GATAD2B: variants seen among roughly 807,000 people sequenced by gnomAD.
GATAD2B encodes GATA zinc finger domain containing 2B.
A neutral mutation model predicts 64.3 loss-of-function variants in GATAD2B; 8 were observed. The ratio of observed to expected loss-of-function variants is 0.12; its 90% CI spans 0.07 to 0.22. GATAD2B has a LOEUF of 0.22. Ranked by LOEUF, GATAD2B falls within the 10% of genes least tolerant of loss-of-function variation. GATAD2B has a pLI of 1.00. For missense variants in GATAD2B, 453 were observed against 752.0 expected (o/e 0.60, Z 4.65); for synonymous variants, 281 against 271.3 (o/e 1.04, Z -0.35).
chr1:153,824,649 AG>A (rs568604261), intron 2 of GATAD2B, among the ~76,000 whole-genome samples: 1 of 145,096 alleles, frequency 6.9e-6, no homozygotes, highest in Non-Finnish European at 1.5e-5. Flanking sequence ...TTGGGTTTTC[AG>A]GAAGTCTGAC....
chr1:153,880,322 C>G (rs1034228718), intron 1 of GATAD2B, among the ~76,000 whole-genome samples: 1 of 151,816 alleles, frequency 6.6e-6, no homozygotes, highest in Non-Finnish European at 1.5e-5. Flanking sequence ...CAAAAATTAG[C>G]CGGGTGTGGT....
In GATAD2B at chr1:153,917,641, C is replaced by T. The variant is rs530539324; in HGVS notation, c.-2+5092G>A. On this transcript the variant is annotated intron_variant, in intron 1 of 10. Transcript: ENST00000368655. Reference sequence around the variant, plus strand: ...AACTCCTGACCTCATGTGATCCGCCCGCCTCAGCCTCCCAAAGTGCTGGGA... The same window carrying T: ...AACTCCTGACCTCATGTGATCCGCCTGCCTCAGCCTCCCAAAGTGCTGGGA... 2.0e-5 allele frequency among the ~76,000 whole-genome samples: 3 copies of T among 151,970 alleles called. No homozygotes were observed. The East Asian group carries it at 5.8e-4, about 29-fold the overall frequency.
intron 1 of GATAD2B, among the ~76,000 whole-genome samples, chr1:153,906,065 C>CA (rs142513068): frequency 0.024 from 1,832 of 74,788 alleles, 22 homozygotes; most frequent in Non-Finnish European, 0.035. Context: ...GGTTCCCTCT[C>CA]AAAAAAAAAA....
At position 153,823,546 on chromosome 1, in the gene GATAD2B, C is replaced by T. The variant is rs1046633023; in HGVS notation, c.336-3811G>A. 5.3e-5 allele frequency among the ~76,000 whole-genome samples: 8 copies of T among 152,044 alleles called. 1 individual carries two copies. Among genetic ancestry groups the T allele is most frequent in the Non-Finnish European group, 8.8e-5 (6 of 67,986 alleles). On this transcript the variant is annotated intron_variant, in intron 2 of 10. Coordinates refer to ENST00000368655, the MANE Select transcript of GATAD2B (RefSeq NM_020699.4). Reference sequence around the variant, plus strand: ...TTTTTTCTTGGTAGAGATGAGGTACCACTATGTTGCCCAGACAGAGCTCAA... The same window carrying T: ...TTTTTTCTTGGTAGAGATGAGGTACTACTATGTTGCCCAGACAGAGCTCAA...
intron 1 of GATAD2B, among the ~76,000 whole-genome samples, chr1:153,884,381 T>TG (rs761710319): frequency 3.9e-5 from 6 of 152,110 alleles, no homozygotes; most frequent in Non-Finnish European, 7.4e-5. Flanking sequence ...AGGCAGAGCT[T>TG]GCAGTGAGCT....
intron 1 of GATAD2B, among the ~76,000 whole-genome samples, chr1:153,844,912 T>TA (rs879602837): frequency 0.025 from 3,161 of 124,580 alleles, 107 homozygotes; most frequent in African/African-American, 0.084. Flanking sequence ...TAAAGTATAA[T>TA]AAAAAAAAAA....
At chr1:153,813,894 C>G (rs952409189) in intron 7 of GATAD2B, among the ~76,000 whole-genome samples, 1 of 152,206 alleles carries the variant, frequency 6.6e-6, no homozygotes, top group Non-Finnish European at 1.5e-5. Context: ...AGGAGAATCG[C>G]TTGAACCTGG....
At chr1:153,905,114 G>C (rs1677886806) in intron 1 of GATAD2B, among the ~76,000 whole-genome samples, 1 of 152,160 alleles carries the variant, frequency 6.6e-6, no homozygotes, top group Admixed American at 6.6e-5. Context: ...CCAAAGTGCT[G>C]GGGTTACAGG....
chr1:153,844,747 C>T (rs1421498146), intron 1 of GATAD2B, among the ~76,000 whole-genome samples: 1 of 115,266 alleles, frequency 8.7e-6, no homozygotes. Context: ...GAATACCACA[C>T]TCTGGGGACT....
At chr1:153,852,583 C>T in intron 1 of GATAD2B, 1 of 775,956 alleles carries the variant, frequency 1.3e-6, no homozygotes, top group Non-Finnish European at 2.4e-6. Flanking sequence ...TCCTGAGCAT[C>T]CTGAATTTTC....
rs1676353559 is a variant in GATAD2B, at chr1:153,862,750, G to A, written c.-1-34402C>T. Among the ~76,000 whole-genome samples, 4 of 140,478 alleles carry A rather than the reference G, an allele frequency of 2.8e-5. No individual in the cohort carries two copies. In the South Asian group the frequency reaches 8.9e-4, roughly 31 times the overall value. The allele number at this position is 140,478 out of a possible 152,430, so 92.2% of individuals were successfully genotyped here. A position where few individuals can be genotyped will look rare whatever the true frequency, so the allele number is the denominator to read the frequency against. On this transcript the variant is annotated intron_variant, in intron 1 of 10. Coordinates refer to ENST00000368655, the MANE Select transcript of GATAD2B (RefSeq NM_020699.4). ...CTTTTTTTTTTTTTTTTGAAATGGA[G>A]TTTTGCTCTTGTTGCCCAGGCTGGA...
chr1:153,884,521 G>C (rs968488401), intron 1 of GATAD2B, among the ~76,000 whole-genome samples: 1 of 152,232 alleles, frequency 6.6e-6, no homozygotes, highest in Admixed American at 6.5e-5. Flanking sequence ...AGAATCGTCT[G>C]AACCTGGGAG....
chr1:153,812,522 T>G (rs1235654107), intron 8 of GATAD2B, among the ~76,000 whole-genome samples: 2 of 152,200 alleles, frequency 1.3e-5, no homozygotes, highest in African/African-American at 4.8e-5. Flanking sequence ...CTCTAAGAAG[T>G]TGGCTGGAGG....
chr1:153,852,401 G>A lies in GATAD2B; in HGVS notation c.-1-24053C>T. 28 of 799,526 alleles carry A rather than the reference G, an allele frequency of 3.5e-5. No homozygotes were observed. The South Asian group carries it at 3.6e-4, about 10-fold the overall frequency. 49.5% of individuals were successfully genotyped at this position (799,526 alleles called of 1,614,324 possible). ...TGCTTGGCCTGACCTTGGATGTTCT[G>A]TGGTCATCATGGATGTTGGACAGAA... On this transcript the variant is annotated intron_variant, in intron 1 of 10. Coordinates refer to ENST00000368655, the MANE Select transcript of GATAD2B (RefSeq NM_020699.4).
intron 3 of GATAD2B, 109 bp downstream of exon 3, chr1:153,819,497 T>C: frequency 1.3e-6 from 1 of 761,476 alleles, no homozygotes; most frequent in East Asian, 2.7e-5. Flanking sequence ...CATCAATGGG[T>C]ATTTATATCC....
intron 4 of GATAD2B, 55 bp downstream of exon 4, chr1:153,818,736 C>T (rs1674573076): frequency 6.4e-7 from 1 of 1,574,614 alleles, no homozygotes; most frequent in African/African-American, 1.4e-5. Flanking sequence ...GGAACCTACT[C>T]TCAAACCAGT....
intron 1 of GATAD2B, among the ~76,000 whole-genome samples, chr1:153,895,153 C>T (rs985143438): frequency 7.3e-5 from 11 of 151,218 alleles, no homozygotes; most frequent in Non-Finnish European, 1.2e-4. Context: ...AGCGAAGCTC[C>T]GTCTCAAAAA....
intron 1 of GATAD2B, chr1:153,886,658 G>C (rs1677195197): frequency 6.6e-6 from 1 of 150,536 alleles, no homozygotes; most frequent in South Asian, 2.1e-4. Context: ...TTCCCGACTA[G>C]CTGGGACCTC....
chr1:153,922,300 G>A (rs1440165846), intron 1 of GATAD2B, among the ~76,000 whole-genome samples: 11 of 145,000 alleles, frequency 7.6e-5, no homozygotes, highest in African/African-American at 2.7e-4. Context: ...AAAAAAAAAA[G>A]GGGGGGGCGC....
Sources: allele counts gnomAD v4.1 joint callset (sites outside exome capture counted in the v4.1 genomes callset), GRCh38; gene constraint gnomAD v4.1.1; transcripts MANE v1.5; gene names NCBI Gene and HGNC (gene_info 2026-07-23, HGNC 2026-07-21).